The following ST6GALNAC5 variants were observed in gnomAD, a reference collection of about 807,000 sequenced individuals.
ST6GALNAC5 encodes ST6 N-acetylgalactosaminide alpha-2,6-sialyltransferase 5, also known as alpha-N-acetylgalactosaminide alpha-2,6-sialyltransferase 5.
Under a neutral mutation model 33.6 loss-of-function variants are expected in ST6GALNAC5, and 27 were observed. That is an observed-to-expected ratio of 0.80 (90% confidence interval 0.59 to 1.11). The LOEUF (loss-of-function observed/expected upper bound fraction) is 1.11, where lower values mean the gene tolerates loss of function less well. ST6GALNAC5 is among the 50% of genes least tolerant of loss of function. The pLI is 0.00. For missense variants in ST6GALNAC5, 428 were observed against 454.0 expected (o/e 0.94, Z 0.52); for synonymous variants, 194 against 171.2 (o/e 1.13, Z -1.04).
At chr1:76,909,202 T>A (rs1646889608) in intron 2 of ST6GALNAC5, among the ~76,000 whole-genome samples, 1 of 152,162 alleles carries the variant, frequency 6.6e-6, no homozygotes, top group South Asian at 2.1e-4. Context: ...CAACTTTGTA[T>A]CCTCACAACC....
intron 2 of ST6GALNAC5, among the ~76,000 whole-genome samples, chr1:77,026,248 G>T (rs1369574104): frequency 2.0e-5 from 3 of 152,198 alleles, no homozygotes; most frequent in African/African-American, 7.2e-5. Context: ...TGGCCTGTTA[G>T]CCAGGGGAGC....
intron 2 of ST6GALNAC5, among the ~76,000 whole-genome samples, chr1:76,983,480 C>T (rs541238879): frequency 4.6e-5 from 7 of 152,206 alleles, no homozygotes; most frequent in African/African-American, 1.7e-4. Flanking sequence ...TAAATATATA[C>T]GCACCCAATA....
chr1:76,875,802 C>A (rs933881588), intron 2 of ST6GALNAC5, among the ~76,000 whole-genome samples: 2 of 152,166 alleles, frequency 1.3e-5, no homozygotes, highest in Non-Finnish European at 1.5e-5. Flanking sequence ...TCCCTGCCAC[C>A]ATGGCCTTCT....
chr1:76,952,277 A>G (rs1647779564), intron 2 of ST6GALNAC5, among the ~76,000 whole-genome samples: 1 of 151,948 alleles, frequency 6.6e-6, no homozygotes, highest in Non-Finnish European at 1.5e-5. Flanking sequence ...CTTATATAAC[A>G]TTTTCACTAT....
intron 2 of ST6GALNAC5, among the ~76,000 whole-genome samples, chr1:76,935,304 GA>G (rs1202240482): frequency 1.1e-4 from 16 of 152,018 alleles, no homozygotes; most frequent in Non-Finnish European, 2.2e-4. Context: ...CTGGATAGGG[GA>G]AAAAATCAGA....
At chr1:76,945,620 T>A (rs1647490552) in intron 2 of ST6GALNAC5, among the ~76,000 whole-genome samples, 1 of 152,166 alleles carries the variant, frequency 6.6e-6, no homozygotes, top group Non-Finnish European at 1.5e-5. Flanking sequence ...AATTTACTCT[T>A]TTCTGGAATA....
chr1:77,012,287 T>C (rs1650663117), intron 2 of ST6GALNAC5, among the ~76,000 whole-genome samples: 1 of 152,196 alleles, frequency 6.6e-6, no homozygotes, highest in African/African-American at 2.4e-5. Context: ...CTCAGTGGAA[T>C]AATGTCCCAG....
rs556554686 is a variant in ST6GALNAC5, at chr1:76,917,972, A to C, written c.261+49230A>C. Among the ~76,000 whole-genome samples the C allele has an allele frequency of 5.3e-5, 8 of 152,274 alleles. No homozygotes were observed. In the South Asian group the frequency reaches 1.4e-3, roughly 28 times the overall value. ...CCCACTCACATTAGGGAGCAGAGTA[A>C]GCTTTACTCATTCTACCAGTTCAGA... On this transcript the variant is annotated intron_variant, in intron 2 of 4. Transcript: ENST00000477717.
intron 2 of ST6GALNAC5, among the ~76,000 whole-genome samples, chr1:76,943,683 T>C (rs1352051579): frequency 2.0e-5 from 3 of 152,022 alleles, no homozygotes; most frequent in East Asian, 1.9e-4. Context: ...TTCATAACAG[T>C]GTAGGAATGA....
At chr1:76,928,276 T>C (rs1570680416) in intron 2 of ST6GALNAC5, among the ~76,000 whole-genome samples, 1 of 152,188 alleles carries the variant, frequency 6.6e-6, no homozygotes, top group East Asian at 1.9e-4. Context: ...ATACTGCACT[T>C]GTATTTTCAT....
chr1:76,978,390 A>T (rs1054886584), intron 2 of ST6GALNAC5, among the ~76,000 whole-genome samples: 3 of 152,134 alleles, frequency 2.0e-5, no homozygotes, highest in Admixed American at 1.3e-4. Context: ...CAAAATACTA[A>T]GAAACCAATC....
rs1649220716 is a variant in ST6GALNAC5 at position 76,980,840 on chromosome 1, A to C, written c.262-63364A>C. On this transcript the variant is annotated intron_variant, in intron 2 of 4. Transcript: ENST00000477717. Reference sequence around the variant, plus strand: ...GATTCTTAGATGTGATACCAAAAACACAAGCAACATAAGAAAAAATAGAGA... The same window carrying C: ...GATTCTTAGATGTGATACCAAAAACCCAAGCAACATAAGAAAAAATAGAGA... Among the ~76,000 whole-genome samples, 3 of 152,334 alleles carry C rather than the reference A, an allele frequency of 2.0e-5. No homozygotes were observed. The South Asian group carries it at 6.2e-4, about 32-fold the overall frequency.
chr1:77,048,950 A>G (rs1652108438), intron 3 of ST6GALNAC5, among the ~76,000 whole-genome samples: 1 of 151,208 alleles, frequency 6.6e-6, no homozygotes, highest in African/African-American at 2.4e-5. Context: ...CAGCCCACTT[A>G]TTCCCATCTT....
intron 2 of ST6GALNAC5, among the ~76,000 whole-genome samples, chr1:76,969,245 A>G (rs991495760): frequency 2.6e-5 from 4 of 152,240 alleles, no homozygotes; most frequent in Non-Finnish European, 5.9e-5. Context: ...GCAAGGGTTC[A>G]GGGGATTTCC....
At chr1:76,914,879 G>T (rs1230158531) in intron 2 of ST6GALNAC5, among the ~76,000 whole-genome samples, 5 of 152,212 alleles carry the variant, frequency 3.3e-5, no homozygotes, top group African/African-American at 1.2e-4. Context: ...CACAGCAAAA[G>T]AAACTACCAT....
chr1:77,056,580 G>A (rs1652407357), intron 4 of ST6GALNAC5, among the ~76,000 whole-genome samples: 1 of 152,228 alleles, frequency 6.6e-6, no homozygotes, highest in African/African-American at 2.4e-5. Flanking sequence ...TTATTAGCTA[G>A]CGAACATTAA....
At chr1:76,956,214 T>A (rs1282701191) in intron 2 of ST6GALNAC5, among the ~76,000 whole-genome samples, 1 of 151,962 alleles carries the variant, frequency 6.6e-6, no homozygotes, top group Non-Finnish European at 1.5e-5. Context: ...TCTCTACTTA[T>A]GCCTCTACAG....
intron 2 of ST6GALNAC5, among the ~76,000 whole-genome samples, chr1:76,874,579 G>A (rs1570627988): frequency 6.6e-6 from 1 of 152,146 alleles, no homozygotes; most frequent in African/African-American, 2.4e-5. Flanking sequence ...GGCAGGAAGC[G>A]TCCAGCATGG....
At chr1:76,972,187 A>T (rs1162285498) in intron 2 of ST6GALNAC5, among the ~76,000 whole-genome samples, 1 of 152,202 alleles carries the variant, frequency 6.6e-6, no homozygotes. Flanking sequence ...GTCACATCTT[A>T]CATAGCAGCA....
Sources: allele counts gnomAD v4.1 joint callset (sites outside exome capture counted in the v4.1 genomes callset), GRCh38; gene constraint gnomAD v4.1.1; transcripts MANE v1.5; gene names NCBI Gene and HGNC (gene_info 2026-07-23, HGNC 2026-07-21).